The following MMP26 variants were observed in gnomAD, a reference collection of about 807,000 sequenced individuals.
MMP26 encodes matrix metallopeptidase 26, also known as matrix metalloproteinase-26.
In MMP26, 33 loss-of-function variants were observed where a neutral mutation model predicts 31.0. The ratio of observed to expected loss-of-function variants is 1.06; its 90% confidence interval spans 0.81 to 1.42. The LOEUF (loss-of-function observed/expected upper bound fraction) is 1.42. Among genes scored for constraint, MMP26 ranks in the 40% most tolerant of loss-of-function variants. The pLI is 0.00. For missense variants in MMP26, 347 were observed against 316.1 expected (o/e 1.10, Z -0.74); for synonymous variants, 122 against 114.9 (o/e 1.06, Z -0.40).
intron 2 of MMP26, chr11:4,946,780 A>T (rs756289057): frequency 1.3e-6 from 2 of 1,587,896 alleles, no homozygotes; most frequent in South Asian, 2.2e-5. Context: ...CTGAGAATCC[A>T]TGAATGAAGA....
chr11:4,771,598 T>A (rs1273737896), intron 2 of MMP26, among the ~76,000 whole-genome samples: 1 of 152,190 alleles, frequency 6.6e-6, no homozygotes, highest in African/African-American at 2.4e-5. Context: ...CTGGGGAGAA[T>A]TAAATTAAAT....
rs897851231 is a variant in MMP26, at chr11:4,851,313, C to T, written c.-145+83972C>T. Among the ~76,000 whole-genome samples, 5 of 152,144 alleles carry T rather than the reference C, an allele frequency of 3.3e-5. No individual in the cohort carries two copies. The East Asian group carries it at 7.7e-4, about 23-fold the overall frequency. On this transcript the variant is annotated intron_variant, in intron 2 of 7. Transcript: ENST00000380390. ...TGATTTGGAGCTCTGTCAGTTAGCA[C>T]GGCAATTTTGGTGGCAAGGAAATAG...
chr11:4,814,473 G>T (rs553885484), intron 2 of MMP26, among the ~76,000 whole-genome samples: 1 of 152,230 alleles, frequency 6.6e-6, no homozygotes, highest in Admixed American at 6.5e-5. Flanking sequence ...AGTATGAAGC[G>T]CTTCATAAAG....
At chr11:4,897,719 A>G (rs375754494) in intron 2 of MMP26, among the ~76,000 whole-genome samples, 2 of 151,844 alleles carry the variant, frequency 1.3e-5, no homozygotes, top group South Asian at 2.1e-4. Context: ...TAACTTATTA[A>G]GATAGTCTAC....
intron 2 of MMP26, among the ~76,000 whole-genome samples, chr11:4,841,790 A>G (rs1023278634): frequency 6.6e-6 from 1 of 152,068 alleles, no homozygotes; most frequent in Non-Finnish European, 1.5e-5. Context: ...AAAATTAGCC[A>G]TGTGAGTTTG....
At chr11:4,875,205 C>T (rs1199724094) in intron 2 of MMP26, 2 of 152,008 alleles carry the variant, frequency 1.3e-5, no homozygotes, top group African/African-American at 2.4e-5. Flanking sequence ...CTAGATGCAG[C>T]TTAGGACAGA....
chr11:4,988,950 A>T (rs1382320125), intron 3 of MMP26, among the ~76,000 whole-genome samples: 2 of 151,902 alleles, frequency 1.3e-5, no homozygotes, highest in African/African-American at 2.4e-5. Flanking sequence ...CATATAATTT[A>T]AAAAAAACAG....
chr11:4,821,146 A>G (rs901975032), intron 2 of MMP26, among the ~76,000 whole-genome samples: 1 of 152,170 alleles, frequency 6.6e-6, no homozygotes, highest in Admixed American at 6.5e-5. Flanking sequence ...TGTAATGTTT[A>G]TTGCTAGTAA....
At chr11:4,728,797 A>G (rs1293000500) in intron 1 of MMP26, among the ~76,000 whole-genome samples, 1 of 152,114 alleles carries the variant, frequency 6.6e-6, no homozygotes, top group Admixed American at 6.5e-5. Context: ...TCTTGAATAT[A>G]TACACCTGCA....
chr11:4,734,333 C>G (rs1013862355), intron 1 of MMP26, among the ~76,000 whole-genome samples: 12 of 152,092 alleles, frequency 7.9e-5, no homozygotes, highest in African/African-American at 1.9e-4. Flanking sequence ...TCACTTGTAT[C>G]AAATAATTAA....
chr11:4,857,871 T>C (rs1251965427), intron 2 of MMP26, among the ~76,000 whole-genome samples: 2 of 152,140 alleles, frequency 1.3e-5, no homozygotes, highest in Non-Finnish European at 2.9e-5. Context: ...AAAAAGCTTA[T>C]CCGCCACGAT....
rs921370354 is a variant in MMP26, at chr11:4,915,618, T to C, written c.-144-72450T>C. On this transcript the variant is annotated intron_variant, in intron 2 of 7. Transcript: ENST00000380390. The stretch of plus-strand genomic sequence containing the variant: ...CCAGGGATGCCACTCAGCAGGAAGG[T>C]AGCAGAAACGCTGCTGCTGCTGTTT... 2 of 1,613,746 alleles carry C rather than the reference T, an allele frequency of 1.2e-6. No homozygotes were observed. Among genetic ancestry groups the C allele is most frequent in the African/African-American group, 2.7e-5 (2 of 74,898 alleles).
At chr11:4,980,537 T>G (rs552138902) in intron 2 of MMP26, among the ~76,000 whole-genome samples, 59 of 152,078 alleles carry the variant, frequency 3.9e-4, no homozygotes, top group African/African-American at 1.4e-3. Context: ...TTAAGGAGAT[T>G]ACTAAGACAA....
intron 2 of MMP26, among the ~76,000 whole-genome samples, chr11:4,780,449 T>C (rs1463360998): frequency 6.6e-6 from 1 of 152,190 alleles, no homozygotes; most frequent in Non-Finnish European, 1.5e-5. Flanking sequence ...CCTGTGTGTA[T>C]TGGACACATG....
intron 1 of MMP26, chr11:4,710,527 T>C: frequency 4.9e-6 from 2 of 404,370 alleles, no homozygotes; most frequent in Non-Finnish European, 5.1e-6. Context: ...AGTTTGAGTG[T>C]ACTCCTTCTT....
intron 2 of MMP26, among the ~76,000 whole-genome samples, chr11:4,774,050 T>A (rs1848760466): frequency 6.6e-6 from 1 of 152,224 alleles, no homozygotes; most frequent in African/African-American, 2.4e-5. Flanking sequence ...TAGTGGGCAT[T>A]TGGGTTAACT....
In MMP26 at chr11:4,882,160, C is replaced by G. The variant is rs61995697; in HGVS notation, c.-144-105908C>G. The G allele has an allele frequency of 1.6e-3, 2,504 of 1,613,950 alleles. 36 individuals are homozygous for G. The African/African-American group carries it at 0.027, about 18-fold the overall frequency. ...CCCTTCCCACTGTGCTTGGTGTTCTCTGGTTTCATGCCCGGGAGATCAGCT... is the reference window on the plus strand; with the variant it reads ...CCCTTCCCACTGTGCTTGGTGTTCTGTGGTTTCATGCCCGGGAGATCAGCT... On this transcript the variant is annotated intron_variant, in intron 2 of 7. Transcript: ENST00000380390.
At chr11:4,710,723 A>G (rs1847850396) in intron 1 of MMP26, 3 of 322,734 alleles carry the variant, frequency 9.3e-6, no homozygotes, top group South Asian at 8.1e-5. Flanking sequence ...CCTTTCATGA[A>G]TACTGAACCT....
chr11:4,924,547 A>G (rs141030972), intron 2 of MMP26, among the ~76,000 whole-genome samples: 15 of 152,294 alleles, frequency 9.8e-5, no homozygotes, highest in African/African-American at 2.9e-4. Flanking sequence ...GAGGAGGCAA[A>G]TAATAGTAGG....
Sources: gnomAD v4.1 joint callset for allele counts (sites outside exome capture counted in the v4.1 genomes callset) on GRCh38, gnomAD v4.1.1 for gene constraint, MANE v1.5 for transcripts, NCBI Gene and HGNC (gene_info 2026-07-23, HGNC 2026-07-21) for gene names.